The following LRMDA variants were observed in gnomAD, a reference collection of about 807,000 sequenced individuals.
LRMDA encodes the protein leucine rich melanocyte differentiation associated.
LRMDA carries 18 observed loss-of-function variants against 29.8 expected under a neutral mutation model. The observed-to-expected ratio is 0.60, with a 90% confidence interval of 0.42 to 0.90. The LOEUF is 0.90. Ranked by LOEUF, LRMDA falls within the 40% of genes least tolerant of loss-of-function variation. LRMDA has a pLI of 0.00. For synonymous variants in LRMDA, 125 were observed against 109.4 expected (o/e 1.14, Z -0.89); for missense variants, 273 against 273.9 (o/e 1.00, Z 0.02).
chr10:76,342,903 A>T (rs930074072), intron 6 of LRMDA, among the ~76,000 whole-genome samples: 3 of 152,206 alleles, frequency 2.0e-5, no homozygotes, highest in Non-Finnish European at 2.9e-5. Context: ...TTACAAGGAA[A>T]TTTTACCAAA....
chr10:75,904,184 C>T (rs1158147891), intron 2 of LRMDA, among the ~76,000 whole-genome samples: 1 of 152,124 alleles, frequency 6.6e-6, no homozygotes, highest in South Asian at 2.1e-4. Context: ...GGAGAGCATA[C>T]CTGTGTATAT....
chr10:75,871,964 A>G (rs1443242231), intron 2 of LRMDA, among the ~76,000 whole-genome samples: 2 of 152,218 alleles, frequency 1.3e-5, no homozygotes, highest in African/African-American at 4.8e-5. Context: ...TGAATGAGTG[A>G]ATTGAATGTA....
chr10:76,064,149 T>G lies in LRMDA; in HGVS notation c.516+5366T>G, dbSNP rs572091982. On this transcript the variant is annotated intron_variant, in intron 5 of 6. Transcript: ENST00000611255. Reference sequence around the variant, plus strand: ...AGGAAAGAAACCATTGCCTTTAGACTGTGTGTTAATTGCCACCTGTACACT... The same window carrying G: ...AGGAAAGAAACCATTGCCTTTAGACGGTGTGTTAATTGCCACCTGTACACT... 4.5e-4 allele frequency among the ~76,000 whole-genome samples: 68 copies of G among 152,342 alleles called. 1 individual carries two copies. Among genetic ancestry groups the G allele is most frequent in the South Asian group, 1.4e-3 (7 of 4,828 alleles).
chr10:75,612,788 GAA>G (rs1841048853), intron 2 of LRMDA, among the ~76,000 whole-genome samples: 1 of 150,334 alleles, frequency 6.7e-6, no homozygotes, highest in African/African-American at 2.4e-5. Flanking sequence ...GCAGAACAAG[GAA>G]AAAACTGTGT....
intron 2 of LRMDA, among the ~76,000 whole-genome samples, chr10:75,867,309 C>T (rs535686226): frequency 1.4e-4 from 21 of 152,190 alleles, no homozygotes; most frequent in African/African-American, 4.3e-4. Flanking sequence ...ATTACAGGCA[C>T]CCGCCACCAC....
intron 2 of LRMDA, among the ~76,000 whole-genome samples, chr10:75,936,957 G>C (rs1216576612): frequency 6.6e-6 from 1 of 152,028 alleles, no homozygotes; most frequent in Non-Finnish European, 1.5e-5. Context: ...CTTTATTTTG[G>C]TTTATTCTCA....
intron 6 of LRMDA, among the ~76,000 whole-genome samples, chr10:76,381,484 G>A (rs1841591443): frequency 1.3e-5 from 2 of 151,944 alleles, no homozygotes. Flanking sequence ...TTTCATAATT[G>A]TGCCCTGTAT....
chr10:75,487,655 G>A (rs1844931381), intron 2 of LRMDA, among the ~76,000 whole-genome samples: 1 of 152,136 alleles, frequency 6.6e-6, no homozygotes, highest in Non-Finnish European at 1.5e-5. Context: ...AGGCAGCGCA[G>A]TAGCTACTGA....
At chr10:75,837,398 C>G (rs1032358695) in intron 2 of LRMDA, among the ~76,000 whole-genome samples, 1 of 151,936 alleles carries the variant, frequency 6.6e-6, no homozygotes, top group Non-Finnish European at 1.5e-5. Context: ...TTAAGGTCTT[C>G]GTAGAAATGT....
At chr10:75,842,716 C>T (rs770910632) in intron 2 of LRMDA, among the ~76,000 whole-genome samples, 4 of 152,056 alleles carry the variant, frequency 2.6e-5, no homozygotes, top group Non-Finnish European at 4.4e-5. Context: ...TCAAATATAA[C>T]GTGGGTCATG....
intron 5 of LRMDA, among the ~76,000 whole-genome samples, chr10:76,152,149 C>T (rs553943514): frequency 1.9e-4 from 29 of 152,260 alleles, no homozygotes; most frequent in Middle Eastern, 3.4e-3. Flanking sequence ...AAAGAGACAC[C>T]CCTTAACCAT....
intron 5 of LRMDA, among the ~76,000 whole-genome samples, chr10:76,309,585 G>A (rs1299119896): frequency 6.6e-6 from 1 of 152,190 alleles, no homozygotes; most frequent in Non-Finnish European, 1.5e-5. Flanking sequence ...ATCTTGAAAG[G>A]CGGGTGTCTC....
At chr10:75,950,680 T>C (rs1398927755) in intron 2 of LRMDA, among the ~76,000 whole-genome samples, 3 of 152,202 alleles carry the variant, frequency 2.0e-5, no homozygotes, top group African/African-American at 7.2e-5. Context: ...ACAATACTTT[T>C]TGTGCACACC....
Position 75,490,547 on chromosome 10 carries a change from T to A in LRMDA, c.131+52053T>A, listed in dbSNP as rs1424198487. Among the ~76,000 whole-genome samples the A allele has an allele frequency of 3.3e-5, 5 of 152,122 alleles. No individual in the cohort carries two copies. The East Asian group carries it at 9.6e-4, about 29-fold the overall frequency. On this transcript the variant is annotated intron_variant, in intron 2 of 6. Coordinates refer to ENST00000611255, the MANE Select transcript of LRMDA (RefSeq NM_001305581.2). ...AATATCTTTAGGAAGATTGTAATAA[T>A]CACACAGTCATAGAATATTAGAATT...
At chr10:76,122,731 T>G (rs918871294) in intron 5 of LRMDA, among the ~76,000 whole-genome samples, 2 of 152,164 alleles carry the variant, frequency 1.3e-5, no homozygotes, top group Admixed American at 1.3e-4. Context: ...AAATGAGGGA[T>G]GGAGATGAAC....
intron 2 of LRMDA, among the ~76,000 whole-genome samples, chr10:75,645,935 C>T (rs1841514479): frequency 6.6e-6 from 1 of 151,820 alleles, no homozygotes; most frequent in South Asian, 2.1e-4. Context: ...CTATCTTTGT[C>T]TCCATTTCAC....
chr10:76,132,820 G>A (rs940955464), intron 5 of LRMDA, among the ~76,000 whole-genome samples: 3 of 149,708 alleles, frequency 2.0e-5, no homozygotes, highest in Admixed American at 6.6e-5. Flanking sequence ...TTTGGCGGGG[G>A]GGGTCAGAGT....
At chr10:76,354,588 C>G in intron 6 of LRMDA, among the ~76,000 whole-genome samples, 1 of 152,254 alleles carries the variant, frequency 6.6e-6, no homozygotes, top group Non-Finnish European at 1.5e-5. Context: ...TGCTTCCTAA[C>G]TAGTACTTTA....
At chr10:76,543,854 T>C (rs902307083) in intron 6 of LRMDA, among the ~76,000 whole-genome samples, 1 of 152,172 alleles carries the variant, frequency 6.6e-6, no homozygotes, top group Non-Finnish European at 1.5e-5. Flanking sequence ...TTCAATTGTA[T>C]AGCATTGCTG....
Sources: allele counts gnomAD v4.1 joint callset (sites outside exome capture counted in the v4.1 genomes callset), GRCh38; gene constraint gnomAD v4.1.1; transcripts MANE v1.5; gene names NCBI Gene and HGNC (gene_info 2026-07-23, HGNC 2026-07-21).